Variants in ASIC2 observed in about 807,000 individuals in gnomAD.
The protein encoded by ASIC2 is acid-sensing ion channel 2.
In ASIC2, 25 loss-of-function variants were observed where a neutral mutation model predicts 57.3. That is an observed-to-expected ratio of 0.44 (90% CI 0.32 to 0.61). The LOEUF (loss-of-function observed/expected upper bound fraction) is 0.61, where lower values mean the gene tolerates loss of function less well. Ranked by LOEUF, ASIC2 falls within the 20% of genes least tolerant of loss-of-function variation. The probability of loss-of-function intolerance (pLI) is 0.06; values close to 1 mark genes in which losing one functional copy is unlikely to be tolerated. For missense variants in ASIC2, 641 were observed against 738.1 expected (o/e 0.87, Z 1.52); for synonymous variants, 319 against 307.5 (o/e 1.04, Z -0.39).
intron 1 of ASIC2, among the ~76,000 whole-genome samples, chr17:34,028,611 C>T (rs575568994): frequency 2.6e-5 from 4 of 152,326 alleles, no homozygotes; most frequent in African/African-American, 9.6e-5. Flanking sequence ...ATTTCACCAG[C>T]AGCCATTCAC....
chr17:33,665,968 C>T (rs914301893), intron 1 of ASIC2, among the ~76,000 whole-genome samples: 3 of 152,148 alleles, frequency 2.0e-5, no homozygotes, highest in East Asian at 1.9e-4. Flanking sequence ...TTGGGAAATA[C>T]ATAGGATTAC....
At chr17:33,544,099 C>T (rs1378464244) in intron 1 of ASIC2, among the ~76,000 whole-genome samples, 1 of 152,076 alleles carries the variant, frequency 6.6e-6, no homozygotes, top group Non-Finnish European at 1.5e-5. Context: ...TGCTTTTGGC[C>T]TTTTCTAGGG....
chr17:33,168,435 G>A (rs1252296423), intron 1 of ASIC2, among the ~76,000 whole-genome samples: 2 of 152,234 alleles, frequency 1.3e-5, no homozygotes, highest in African/African-American at 4.8e-5. Context: ...GAGAGGAGCT[G>A]TAGGGAAAGT....
intron 1 of ASIC2, among the ~76,000 whole-genome samples, chr17:33,439,647 T>C (rs1438155805): frequency 3.3e-5 from 5 of 152,170 alleles, no homozygotes; most frequent in Admixed American, 6.5e-5. Context: ...GTTTCACAAA[T>C]GTGTCATCTG....
At chr17:33,417,431 T>C (rs72821170) in intron 1 of ASIC2, among the ~76,000 whole-genome samples, 1 of 152,350 alleles carries the variant, frequency 6.6e-6, no homozygotes, top group Non-Finnish European at 1.5e-5. Context: ...CTGTAGCTTC[T>C]ACCTACCCGG....
intron 1 of ASIC2, among the ~76,000 whole-genome samples, chr17:34,124,186 G>A (rs1442559209): frequency 6.6e-6 from 1 of 152,174 alleles, no homozygotes; most frequent in African/African-American, 2.4e-5. Flanking sequence ...TTGAGGCACA[G>A]AGATTATGTA....
At chr17:33,696,890 G>A (rs910622767) in intron 1 of ASIC2, among the ~76,000 whole-genome samples, 5 of 152,202 alleles carry the variant, frequency 3.3e-5, no homozygotes, top group African/African-American at 1.2e-4. Context: ...ATTTGGATGT[G>A]TGTCCCTTCC....
At chr17:33,754,684 C>T (rs564151784) in intron 1 of ASIC2, among the ~76,000 whole-genome samples, 6 of 151,892 alleles carry the variant, frequency 4.0e-5, no homozygotes, top group Admixed American at 3.9e-4. Context: ...TAGGCTGGTG[C>T]GGTGGCTCAC....
At chr17:33,605,215 C>G (rs1219253368) in intron 1 of ASIC2, among the ~76,000 whole-genome samples, 1 of 152,232 alleles carries the variant, frequency 6.6e-6, no homozygotes, top group African/African-American at 2.4e-5. Flanking sequence ...GCCGGCATGG[C>G]AAGAGCCCTG....
intron 1 of ASIC2, among the ~76,000 whole-genome samples, chr17:33,877,152 T>C (rs1914566720): frequency 6.6e-6 from 1 of 152,208 alleles, no homozygotes; most frequent in South Asian, 2.1e-4. Flanking sequence ...GGAGCCAAGA[T>C]GGCCGAATAG....
chr17:33,409,704 G>A (rs1032933491), intron 1 of ASIC2, among the ~76,000 whole-genome samples: 3 of 152,190 alleles, frequency 2.0e-5, no homozygotes, highest in Non-Finnish European at 4.4e-5. Flanking sequence ...GGAGGAGGCC[G>A]AGGGAGCTGG....
At chr17:34,140,535 A>T (rs1269741990) in intron 1 of ASIC2, among the ~76,000 whole-genome samples, 1 of 152,164 alleles carries the variant, frequency 6.6e-6, no homozygotes, top group East Asian at 1.9e-4. Flanking sequence ...GAACTGGCTG[A>T]TTAAAGGGCT....
rs536270642 is a variant in ASIC2, at chr17:33,888,535, C to T, written c.555+267443G>A. 2.0e-4 allele frequency among the ~76,000 whole-genome samples: 31 copies of T among 152,156 alleles called. No homozygotes were observed. The South Asian group carries it at 4.8e-3, about 23-fold the overall frequency. ...AGGACAAAAAGAACATTACTGACCA[C>T]GTGGAGCATCAGGAAGGTGAAGACC... On this transcript the variant is annotated intron_variant, in intron 1 of 9. Transcript: ENST00000359872.
intron 1 of ASIC2, among the ~76,000 whole-genome samples, chr17:33,331,195 C>G (rs1907298961): frequency 6.6e-6 from 1 of 152,148 alleles, no homozygotes; most frequent in South Asian, 2.1e-4. Context: ...TGAGGTGGAA[C>G]CATTTCATCC....
chr17:33,396,595 C>T (rs1462263009), intron 1 of ASIC2, among the ~76,000 whole-genome samples: 1 of 152,170 alleles, frequency 6.6e-6, no homozygotes, highest in African/African-American at 2.4e-5. Context: ...TGGGCTTTAC[C>T]TCATTGCCTC....
chr17:34,018,884 A>G (rs1907056542), intron 1 of ASIC2, among the ~76,000 whole-genome samples: 1 of 152,062 alleles, frequency 6.6e-6, no homozygotes, highest in Admixed American at 6.6e-5. Flanking sequence ...TTTTTTATAG[A>G]TGAGCAAATA....
intron 1 of ASIC2, among the ~76,000 whole-genome samples, chr17:33,258,122 T>A (rs560567224): frequency 6.6e-6 from 1 of 152,224 alleles, no homozygotes; most frequent in Non-Finnish European, 1.5e-5. Flanking sequence ...GTAGGTGTCA[T>A]TCACGTGCAT....
intron 1 of ASIC2, among the ~76,000 whole-genome samples, chr17:33,354,981 G>A (rs1266028473): frequency 6.6e-6 from 1 of 152,206 alleles, no homozygotes; most frequent in African/African-American, 2.4e-5. Context: ...GGAGCAGCCT[G>A]TGGGCAGGAG....
At chr17:33,802,454 G>A (rs1912156765) in intron 1 of ASIC2, among the ~76,000 whole-genome samples, 1 of 152,188 alleles carries the variant, frequency 6.6e-6, no homozygotes, top group South Asian at 2.1e-4. Flanking sequence ...AAAGGATAGT[G>A]AAATTTGAGA....
Sources: allele counts gnomAD v4.1 joint callset (sites outside exome capture counted in the v4.1 genomes callset), GRCh38; gene constraint gnomAD v4.1.1; transcripts MANE v1.5; gene names NCBI Gene and HGNC (gene_info 2026-07-23, HGNC 2026-07-21).